Variants in ZNF638 observed in about 807,000 individuals in gnomAD.
ZNF638 encodes CTCL tumor antigen se33-1.
In ZNF638, 46 loss-of-function variants were observed where a neutral mutation model predicts 195.6. The ratio of observed to expected loss-of-function variants is 0.24; its 90% CI spans 0.19 to 0.30. The LOEUF is 0.30. Among genes scored for constraint, ZNF638 ranks in the 10% least tolerant of loss-of-function variants. ZNF638 has a pLI of 1.00. For synonymous variants in ZNF638, 845 were observed against 772.0 expected, an observed-to-expected ratio of 1.09 and a Z score of -1.57; for missense variants, 2,440 against 2,325.3, an observed-to-expected ratio of 1.05 and a Z score of -1.01.
chr2:71,395,181 T>A, intron 10 of ZNF638: 1 of 716,232 alleles, frequency 1.4e-6, no homozygotes, highest in South Asian at 1.5e-5. Flanking sequence ...AGACCCTCAC[T>A]CCTTGATTGG....
At chr2:71,355,574 A>T in intron 2 of ZNF638, 145 bp from the exon 3 acceptor site, 1 of 584,932 alleles carries the variant, frequency 1.7e-6, no homozygotes, top group Non-Finnish European at 2.9e-6. Flanking sequence ...TTTGTTTGTG[A>T]AAATTTTACT....
At chr2:71,351,630 G>A (rs1207824244) in intron 2 of ZNF638, among the ~76,000 whole-genome samples, 1 of 152,112 alleles carries the variant, frequency 6.6e-6, no homozygotes, top group Non-Finnish European at 1.5e-5. Flanking sequence ...AGAACTTGAA[G>A]TTTTGTATTC....
chr2:71,393,023 A>G (rs1475989164), intron 10 of ZNF638, among the ~76,000 whole-genome samples: 1 of 152,146 alleles, frequency 6.6e-6, no homozygotes, highest in Non-Finnish European at 1.5e-5. Context: ...ACTGATAATA[A>G]TCTGGCCTGT....
At chr2:71,368,141 G>A (rs1361929687) in intron 6 of ZNF638, among the ~76,000 whole-genome samples, 1 of 151,992 alleles carries the variant, frequency 6.6e-6, no homozygotes, top group Non-Finnish European at 1.5e-5. Flanking sequence ...CCATTTCTGG[G>A]TTAAAAAATA....
chr2:71,343,281 T>C (rs1485436762), intron 1 of ZNF638, among the ~76,000 whole-genome samples: 1 of 152,224 alleles, frequency 6.6e-6, no homozygotes, highest in Non-Finnish European at 1.5e-5. Flanking sequence ...GTGACTGTCA[T>C]GTTAGGCTCT....
intron 20 of ZNF638, among the ~76,000 whole-genome samples, chr2:71,411,249 CAGCCTT>C (rs2080215433): frequency 6.6e-6 from 1 of 150,952 alleles, no homozygotes; most frequent in Non-Finnish European, 1.5e-5. Context: ...CTGCCTGCCT[CAGCCTT>C]CCAAAGTGCT....
At chr2:71,394,050 A>G (rs1035267690) in intron 10 of ZNF638, among the ~76,000 whole-genome samples, 2 of 152,340 alleles carry the variant, frequency 1.3e-5, no homozygotes, top group East Asian at 1.9e-4. Flanking sequence ...TGTGCTAAAG[A>G]ACAAAGCCAG....
In ZNF638 at chr2:71,408,239, T is replaced by G. The variant is rs750499819; in HGVS notation, c.3253T>G (p.Leu1085Val). 11 of 1,608,328 alleles carry G rather than the reference T, an allele frequency of 6.8e-6. No homozygotes were observed. Among genetic ancestry groups the G allele is most frequent in the African/African-American group, 5.4e-5 (4 of 74,746 alleles). Residue 1085 changes from leucine (L) to valine (V), a missense_variant, in exon 20 of 28, where the codon TTA becomes GTA. Leu to Val is a conservative substitution (Grantham distance 32). Transcript: ENST00000264447. ...LTCSLSPKID[L>V]PEVQIEHDPE... Reference sequence around the variant, plus strand: ...CTGCTCATTATCTCCAAAGATAGACTTACCAGAGGTAAGATTTATCTTTCT... The same window carrying G: ...CTGCTCATTATCTCCAAAGATAGACGTACCAGAGGTAAGATTTATCTTTCT...
At chr2:71,406,949 G>A (rs1249094179) in intron 19 of ZNF638, among the ~76,000 whole-genome samples, 1 of 152,170 alleles carries the variant, frequency 6.6e-6, no homozygotes, top group African/African-American at 2.4e-5. Context: ...GTAGTGAGCT[G>A]TGTTCACGCC....
At chr2:71,410,621 G>A (rs2080195077) in intron 20 of ZNF638, among the ~76,000 whole-genome samples, 1 of 152,154 alleles carries the variant, frequency 6.6e-6, no homozygotes, top group African/African-American at 2.4e-5. Context: ...TTATATTTTA[G>A]TGGAGGAGAT....
intron 20 of ZNF638, among the ~76,000 whole-genome samples, chr2:71,410,976 CA>C (rs1156567835): frequency 0.016 from 1,342 of 85,338 alleles, 2 homozygotes; most frequent in East Asian, 0.032. Context: ...TCTCCCCACC[CA>C]CCACCTCCCC....
Position 71,400,458 on chromosome 2 carries a change from T to A in ZNF638, c.2657-20T>A, listed in dbSNP as rs2079984525. Reference sequence around the variant, plus strand: ...TTGATAAGTATGTCTGCATTGTTTTTAATTTTATTTTGTATTAAGATGCTG... The same window carrying A: ...TTGATAAGTATGTCTGCATTGTTTTAAATTTTATTTTGTATTAAGATGCTG... On this transcript the variant is annotated intron_variant, in intron 14 of 27. Coordinates refer to ENST00000264447, the MANE Select transcript of ZNF638 (RefSeq NM_014497.5). The A allele has an allele frequency of 2.5e-6, 4 of 1,596,696 alleles. No individual in the cohort carries two copies. Among genetic ancestry groups the A allele is most frequent in the African/African-American group, 1.4e-5 (1 of 73,860 alleles).
At chr2:71,417,105 A>C (rs2080312006) in intron 20 of ZNF638, among the ~76,000 whole-genome samples, 3 of 125,706 alleles carry the variant, frequency 2.4e-5, no homozygotes, top group Non-Finnish European at 3.4e-5. Context: ...TTGATCTCAG[A>C]GTGCTGTGCT....
chr2:71,350,002 C>G lies in ZNF638; in HGVS notation c.1048C>G (p.Arg350Gly). The change falls in exon 2 of 28, where the codon CGG (arginine) becomes GGG (glycine). Residue 350 changes from arginine to glycine, a missense_variant. By Grantham distance (125) the Arg-to-Gly change is moderately radical. Coordinates refer to ENST00000264447, the MANE Select transcript of ZNF638 (RefSeq NM_014497.5). ...AATTTCATCTGTAAGCCAGCAAGAGCGGATCCCACATGAACCTGTGATTAA... is the reference window on the plus strand; with the variant it reads ...AATTTCATCTGTAAGCCAGCAAGAGGGGATCCCACATGAACCTGTGATTAA... Reference protein sequence around the residue: ...ELISSVSQQERIPHEPVINSS... With the variant: ...ELISSVSQQEGIPHEPVINSS... 6.2e-7 allele frequency: 1 copy of G among 1,614,176 alleles called. No individual in the cohort carries two copies. Among genetic ancestry groups the G allele is most frequent in the Non-Finnish European group, 8.5e-7 (1 of 1,180,022 alleles).
intron 1 of ZNF638, among the ~76,000 whole-genome samples, chr2:71,348,143 TCC>T (rs942366255): frequency 6.6e-6 from 1 of 152,244 alleles, no homozygotes; most frequent in African/African-American, 2.4e-5. Context: ...TATAACGAAT[TCC>T]ATGCCATTGC....
intron 16 of ZNF638, 133 bp downstream of exon 16, chr2:71,402,220 AAAT>A (rs2080020787): frequency 1.1e-6 from 1 of 929,244 alleles, no homozygotes; most frequent in Non-Finnish European, 1.5e-6. Flanking sequence ...AGGGATTTTA[AAAT>A]ATAAAACACA....
intron 10 of ZNF638, among the ~76,000 whole-genome samples, chr2:71,383,583 T>G (rs2079573985): frequency 2.9e-5 from 3 of 105,258 alleles, no homozygotes; most frequent in African/African-American, 6.5e-5. Context: ...TTTTTTTTTC[T>G]TCTTTTATTG....
In ZNF638 at chr2:71,431,411, C is replaced by T. The variant is rs11542286; in HGVS notation, c.5735C>T (p.Ala1912Val). The T allele has an allele frequency of 0.092, 149,068 of 1,612,846 alleles. 7,523 individuals are homozygous for T. Among genetic ancestry groups the T allele is most frequent in the East Asian group, 0.16 (7,310 of 44,828 alleles). The change falls in exon 26 of 28, where the codon GCG becomes GTG. Residue 1912 changes from alanine to valine, a missense_variant. This residue lies in a region of ZNF638 where 1,883 missense variants were observed against 1,739.1 expected (regional missense o/e 1.08). Coordinates refer to ENST00000264447, the MANE Select transcript of ZNF638 (RefSeq NM_014497.5). ...GACTCTTCTTCAGGCAAATCAGTGG[C>T]GTCTGATGTCCCTGAGGGTAAAGTT... ...TEDSSSGKSV[A>V]SDVPEELDFL...
In ZNF638 at chr2:71,365,582, G is replaced by A. The variant is rs1410507165; in HGVS notation, c.1871G>A (p.Ser624Asn). The change falls in exon 6 of 28, where the codon AGC becomes AAC. Residue 624 changes from serine to asparagine, a missense_variant. Physicochemically the swap from Ser to Asn is conservative, Grantham distance 46. Around this residue, in one of 5 missense-constraint regions of ZNF638, gnomAD observed 1,883 missense variants for 1,739.1 expected, o/e 1.08. Transcript: ENST00000264447. ...ACAAAACCATCAGTTAAACCTACAA[G>A]CGCTACAAAGAGTGATTCAAATCTA... ...SGTKPSVKPT[S>N]ATKSDSNLGG... 1.9e-6 allele frequency: 3 copies of A among 1,614,146 alleles called. No individual in the cohort carries two copies. The East Asian group carries it at 6.7e-5, about 36-fold the overall frequency.
Sources: allele counts gnomAD v4.1 joint callset (sites outside exome capture counted in the v4.1 genomes callset), GRCh38; gene constraint gnomAD v4.1.1; regional missense constraint gnomAD v4.1.1; transcripts MANE v1.5; gene names NCBI Gene and HGNC (gene_info 2026-07-23, HGNC 2026-07-21).